DIAPH3: variants seen among roughly 807,000 people sequenced by gnomAD.
DIAPH3 encodes the protein protein diaphanous homolog 3.
Under a neutral mutation model 144.3 loss-of-function variants are expected in DIAPH3, and 117 were observed. The ratio of observed to expected loss-of-function variants is 0.81; its 90% CI spans 0.70 to 0.95. DIAPH3 has a LOEUF of 0.95. Among genes scored for constraint, DIAPH3 ranks in the 40% least tolerant of loss-of-function variants. The pLI is 0.00. For missense variants in DIAPH3, 1,421 were observed against 1,412.7 expected (o/e 1.01, Z -0.09); for synonymous variants, 519 against 488.9 (o/e 1.06, Z -0.81).
At chr13:60,080,437 T>C (rs1354178810) in intron 4 of DIAPH3, among the ~76,000 whole-genome samples, 1 of 151,922 alleles carries the variant, frequency 6.6e-6, no homozygotes, top group Non-Finnish European at 1.5e-5. Context: ...CGTTATAGTT[T>C]GGTTTCAGAA....
At chr13:59,690,254 T>C (rs1319530384) in intron 27 of DIAPH3, among the ~76,000 whole-genome samples, 1 of 152,158 alleles carries the variant, frequency 6.6e-6, no homozygotes, top group Non-Finnish European at 1.5e-5. Flanking sequence ...TTCAATGCAT[T>C]CTTATATACA....
At chr13:60,089,612 C>A (rs2057864232) in intron 4 of DIAPH3, among the ~76,000 whole-genome samples, 1 of 152,182 alleles carries the variant, frequency 6.6e-6, no homozygotes, top group African/African-American at 2.4e-5. Context: ...CACATCACAT[C>A]CTGCTATCAA....
At chr13:60,101,304 A>G (rs180905167) in intron 3 of DIAPH3, among the ~76,000 whole-genome samples, 1 of 152,154 alleles carries the variant, frequency 6.6e-6, no homozygotes, top group African/African-American at 2.4e-5. Flanking sequence ...TATCTATGTT[A>G]TCATCTAAAG....
intron 1 of DIAPH3, among the ~76,000 whole-genome samples, chr13:60,134,887 T>C (rs4514570): frequency 0.24 from 36,431 of 151,954 alleles, 5,401 homozygotes; most frequent in Admixed American, 0.37. Context: ...CCAGCTTGAA[T>C]TGCCTCAGGA....
intron 22 of DIAPH3, among the ~76,000 whole-genome samples, chr13:59,842,497 A>ACAT (rs1313498273): frequency 6.6e-6 from 1 of 152,134 alleles, no homozygotes; most frequent in Admixed American, 6.6e-5. Context: ...TGGGTGTCCT[A>ACAT]CAATTGGAGT....
In DIAPH3 at chr13:59,970,893, AT is replaced by A. The variant is rs1214840751; in HGVS notation, c.1917del (p.Glu639AspfsTer8). 1 of 1,613,720 alleles carries A rather than the reference AT, an allele frequency of 6.2e-7. No homozygotes were observed. The highest frequency in any genetic ancestry group is 8.5e-7 in the Non-Finnish European group (1 of 1,179,962). On this transcript the variant is annotated frameshift_variant, in exon 16 of 28. Transcript: ENST00000400324. LOFTEE classifies it high-confidence loss of function. ...CTTCTCATGCTGATTTCAGGTTTAA[AT>A]TCTTTCTTTGGTTTCAACCCAAATG... Reference protein sequence around the residue: ...ILPFGLKPKKEFKPEISMRRL... With the variant: ...ILPFGLKPKKXFKPEISMRRL...
intron 3 of DIAPH3, among the ~76,000 whole-genome samples, chr13:60,097,474 T>A (rs1160435802): frequency 3.9e-5 from 6 of 152,178 alleles, no homozygotes; most frequent in Non-Finnish European, 8.8e-5. Flanking sequence ...TTGTCTTTCA[T>A]CATGAGTGGA....
At chr13:59,852,448 T>C (rs1053889141) in intron 22 of DIAPH3, among the ~76,000 whole-genome samples, 1 of 152,176 alleles carries the variant, frequency 6.6e-6, no homozygotes, top group Admixed American at 6.6e-5. Flanking sequence ...AGTTGAAGAG[T>C]TGCTGGAGAC....
intron 4 of DIAPH3, among the ~76,000 whole-genome samples, chr13:60,073,362 C>A (rs2057279487): frequency 1.3e-5 from 2 of 151,182 alleles, no homozygotes; most frequent in South Asian, 4.2e-4. Flanking sequence ...CTTTTGGAAG[C>A]AAGAATTATA....
In DIAPH3 at chr13:59,912,508, A is replaced by G. The variant is rs572541742; in HGVS notation, c.2266-672T>C. ...GTAAGCCACACACTTAAACAACAGA[A>G]CTACTTGAATAAAGATTAAAGGAAT... On this transcript the variant is annotated intron_variant, in intron 19 of 27. Transcript: ENST00000400324. 3.9e-5 allele frequency among the ~76,000 whole-genome samples: 6 copies of G among 152,292 alleles called. No homozygotes were observed. The South Asian group carries it at 1.0e-3, about 26-fold the overall frequency.
intron 22 of DIAPH3, among the ~76,000 whole-genome samples, chr13:59,850,918 T>C (rs1417950760): frequency 6.8e-6 from 1 of 147,476 alleles, no homozygotes; most frequent in Non-Finnish European, 1.5e-5. Context: ...CAGGACCAGA[T>C]GGATTCACAG....
chr13:59,741,703 C>CAAAA (rs756556231), intron 27 of DIAPH3, among the ~76,000 whole-genome samples: 7 of 93,778 alleles, frequency 7.5e-5, no homozygotes, highest in East Asian at 2.6e-4. Flanking sequence ...GGCAACAAAG[C>CAAAA]AAAAAAAAAA....
intron 27 of DIAPH3, among the ~76,000 whole-genome samples, chr13:59,770,427 T>C (rs965851690): frequency 6.6e-6 from 1 of 152,112 alleles, no homozygotes. Flanking sequence ...GTCTCCACTC[T>C]GATGAAACTC....
At chr13:60,091,545 C>A (rs1334227415) in intron 4 of DIAPH3, among the ~76,000 whole-genome samples, 1 of 151,832 alleles carries the variant, frequency 6.6e-6, no homozygotes, top group Non-Finnish European at 1.5e-5. Flanking sequence ...AGATCTGCCT[C>A]CCAAGGTGCT....
intron 1 of DIAPH3, among the ~76,000 whole-genome samples, 155 bp from the exon 2 acceptor site, chr13:60,133,144 C>A (rs915819374): frequency 6.6e-6 from 1 of 151,978 alleles, no homozygotes; most frequent in Non-Finnish European, 1.5e-5. Context: ...GTTTTAATCT[C>A]TTTCTCAAAA....
At chr13:59,882,531 C>T (rs2045135186) in intron 20 of DIAPH3, among the ~76,000 whole-genome samples, 2 of 152,186 alleles carry the variant, frequency 1.3e-5, no homozygotes, top group Admixed American at 1.3e-4. Flanking sequence ...TCTATCAACA[C>T]TGGGGATTTG....
intron 18 of DIAPH3, 111 bp downstream of exon 18, chr13:59,924,664 A>G (rs1594008041): frequency 2.1e-6 from 3 of 1,462,102 alleles, no homozygotes; most frequent in African/African-American, 2.8e-5. Flanking sequence ...TATCATGCAT[A>G]TAATAACAAA....
At chr13:59,958,867 C>CTTTTT (rs932649097) in intron 17 of DIAPH3, among the ~76,000 whole-genome samples, 56 of 94,348 alleles carry the variant, frequency 5.9e-4, no homozygotes, top group East Asian at 2.4e-3. Context: ...CTTCAATAAA[C>CTTTTT]TTTTTTTTTT....
At chr13:59,914,855 C>A (rs895003507) in intron 19 of DIAPH3, among the ~76,000 whole-genome samples, 2 of 152,048 alleles carry the variant, frequency 1.3e-5, no homozygotes, top group Non-Finnish European at 2.9e-5. Context: ...TTATGTTTTA[C>A]AGGAATGTAA....
Sources: gnomAD v4.1 joint callset for allele counts (sites outside exome capture counted in the v4.1 genomes callset) on GRCh38, gnomAD v4.1.1 for gene constraint, MANE v1.5 for transcripts, NCBI Gene and HGNC (gene_info 2026-07-23, HGNC 2026-07-21) for gene names.